The following RFLNA variants were observed in gnomAD, a reference collection of about 807,000 sequenced individuals.
RFLNA encodes refilin-A.
A neutral mutation model predicts 7.8 loss-of-function variants in RFLNA; 5 were observed. That is an observed-to-expected ratio of 0.64 (90% CI 0.34 to 1.35). The LOEUF is 1.35. RFLNA is among the 40% of genes most tolerant of loss of function. The pLI, the probability that RFLNA is intolerant of heterozygous loss-of-function variation, is 0.04. For synonymous variants in RFLNA, 141 were observed against 131.3 expected, an observed-to-expected ratio of 1.07 and a Z score of -0.50; for missense variants, 278 against 305.5, an observed-to-expected ratio of 0.91 and a Z score of 0.67.
chr12:124,308,432 G>GC (rs2034175869), intron 1 of RFLNA, among the ~76,000 whole-genome samples: 1 of 131,952 alleles, frequency 7.6e-6, no homozygotes, highest in Non-Finnish European at 1.8e-5. Flanking sequence ...CATGGGCTTT[G>GC]GGGGGGGACC....
rs1041470816 is a variant in RFLNA at position 124,314,427 on chromosome 12, T to C, written c.553T>C (p.Cys185Arg). The C allele has an allele frequency of 1.7e-5, 27 of 1,604,692 alleles. No individual in the cohort carries two copies. Among genetic ancestry groups the C allele is most frequent in the Non-Finnish European group, 2.2e-5 (26 of 1,179,814 alleles). Residue 185 changes from cysteine (C) to arginine (R), a missense_variant, in exon 3 of 3, where the codon TGC (cysteine) becomes CGC (arginine). Transcript: ENST00000546355. ...ARSTFRTTLH[C>R]SLGRPSRWFT... is the part of the protein sequence containing the mutation. ...GAGCACTTTCCGGACCACCCTGCAC[T>C]GCAGCCTGGGCCGGCCCAGCCGCTG...
intron 1 of RFLNA, among the ~76,000 whole-genome samples, chr12:124,310,505 TGGACTGCAGGGAGGG>T (rs2034224153): frequency 2.5e-3 from 3 of 1,208 alleles, no homozygotes; most frequent in Non-Finnish European, 8.7e-3. Flanking sequence ...GAGGGGGAGG[TGGACTGCAGGGAGGG>T]GGAGGTGGAC....
chr12:124,296,980 T>C (rs1566320885), intron 1 of RFLNA, among the ~76,000 whole-genome samples: 1 of 152,176 alleles, frequency 6.6e-6, no homozygotes, highest in African/African-American at 2.4e-5. Context: ...CAGGAGTTGA[T>C]AGAGGTGACC....
intron 1 of RFLNA, among the ~76,000 whole-genome samples, chr12:124,296,517 C>T (rs898641074): frequency 7.0e-6 from 1 of 142,408 alleles, no homozygotes; most frequent in Non-Finnish European, 1.6e-5. Flanking sequence ...CCCTGCCCAC[C>T]TTAACAGCTT....
intron 1 of RFLNA, among the ~76,000 whole-genome samples, chr12:124,304,470 G>T (rs751519191): frequency 5.3e-4 from 81 of 152,172 alleles, no homozygotes; most frequent in Non-Finnish European, 9.3e-4. Flanking sequence ...CTTGTCTGCT[G>T]CTGGCAGCCA....
chr12:124,304,555 G>A (rs1396511125), intron 1 of RFLNA, among the ~76,000 whole-genome samples: 1 of 152,224 alleles, frequency 6.6e-6, no homozygotes, highest in African/African-American at 2.4e-5. Context: ...GTATCCGGAG[G>A]GTTTGGCAGT....
Position 124,314,214 on chromosome 12 carries a change from G to T in RFLNA, c.340G>T (p.Ala114Ser). Residue 114 changes from alanine to serine, a missense_variant, in exon 3 of 3, where the codon GCC becomes TCC. Transcript: ENST00000546355. ...CAGCTGCAACTCTGAGGTCAAGTAC[G>T]CCTCGGAGAAGCATTTCCAGGACAA... The part of the protein sequence containing the change: ...EIRCNSEVKY[A>S]SEKHFQDKVF... The T allele has an allele frequency of 6.2e-7, 1 of 1,612,492 alleles. No individual in the cohort carries two copies.
chr12:124,311,198 C>T (rs1053760672), intron 1 of RFLNA, among the ~76,000 whole-genome samples: 2 of 152,230 alleles, frequency 1.3e-5, no homozygotes, highest in Non-Finnish European at 2.9e-5. Context: ...CAGTCCTTGT[C>T]CTCAGGGAGA....
In RFLNA at chr12:124,289,635, ATGGGCCC is replaced by A. The variant is rs1172207530; in HGVS notation, c.-37+268_-37+274del. ...GGTTTTATGAGTGGACACCCAGGGC[ATGGGCCC>A]TGACCCCCAGACAGCTGCCCAGCAA... On this transcript the variant is annotated intron_variant, in intron 1 of 2. Coordinates refer to the RFLNA transcript ENST00000324038. This position sits in a 1 kb window ranked among gnomAD's most constrained non-coding sequence, Gnocchi z 5.0. Among the ~76,000 whole-genome samples the A allele has an allele frequency of 1.3e-5, 2 of 152,208 alleles. No individual in the cohort carries two copies. Among genetic ancestry groups the A allele is most frequent in the African/African-American group, 4.8e-5 (2 of 41,460 alleles).
chr12:124,311,444 G>A (rs964743901), intron 1 of RFLNA, among the ~76,000 whole-genome samples: 1 of 152,216 alleles, frequency 6.6e-6, no homozygotes, highest in Non-Finnish European at 1.5e-5. Flanking sequence ...CCTCCAGGCC[G>A]AGTGTGGTTT....
upstream of RFLNA, among the ~76,000 whole-genome samples, chr12:124,291,257 ATTAAT>A (rs572670637): frequency 3.8e-4 from 57 of 151,998 alleles, 1 homozygote; most frequent in Admixed American, 2.7e-3. Flanking sequence ...CTTTTATTTT[ATTAAT>A]TTATTTTTTT....
chr12:124,309,917 C>T (rs2034208285), intron 1 of RFLNA, among the ~76,000 whole-genome samples: 2 of 152,124 alleles, frequency 1.3e-5, no homozygotes, highest in South Asian at 4.1e-4. Context: ...GCCTGCAGTT[C>T]CAGCTCTTTG....
At chr12:124,305,183 C>T (rs112531227) in intron 1 of RFLNA, among the ~76,000 whole-genome samples, 4,179 of 152,278 alleles carry the variant, frequency 0.027, 76 homozygotes, top group African/African-American at 0.048. Flanking sequence ...AGGGTGTGAG[C>T]TATACCTCTG....
At chr12:124,313,795 T>G (rs2034297884) in intron 2 of RFLNA, among the ~76,000 whole-genome samples, 1 of 152,158 alleles carries the variant, frequency 6.6e-6, no homozygotes, top group African/African-American at 2.4e-5. Context: ...GATACTTCAG[T>G]GTGTCTCTTA....
intron 1 of RFLNA, among the ~76,000 whole-genome samples, chr12:124,305,465 G>A (rs963862962): frequency 1.3e-5 from 2 of 152,246 alleles, no homozygotes; most frequent in African/African-American, 4.8e-5. Context: ...AACACAGAGT[G>A]GCTTCAAACG....
chr12:124,315,032 C>G lies in RFLNA; in HGVS notation c.*507C>G. ...CTGCTGGCCTGGGGTATTTCCAAAA[C>G]AGCCTTTTCGCACACATGCAGGTTG... On this transcript the variant is annotated 3_prime_UTR_variant, in exon 3 of 3. Coordinates refer to ENST00000546355, the MANE Select transcript of RFLNA (RefSeq NM_001365156.1). 1 of 253,520 alleles carries G rather than the reference C, an allele frequency of 3.9e-6. No individual in the cohort carries two copies. Among genetic ancestry groups the G allele is most frequent in the Admixed American group, 4.7e-5 (1 of 21,180 alleles). The allele number at this position is 253,520 out of a possible 1,614,324, so 15.7% of individuals were successfully genotyped here.
chr12:124,308,931 T>C (rs538278352), intron 1 of RFLNA, among the ~76,000 whole-genome samples: 3 of 152,354 alleles, frequency 2.0e-5, no homozygotes, highest in South Asian at 2.1e-4. Flanking sequence ...CCCCGGCCAG[T>C]GCGACAGCTG....
In RFLNA at chr12:124,295,615, G is replaced by A. The variant is rs895363429; in HGVS notation, c.186G>A (p.Pro62=). 65 of 1,062,904 alleles carry A rather than the reference G, an allele frequency of 6.1e-5. No homozygotes were observed. The African/African-American group carries it at 9.6e-4, about 16-fold the overall frequency. The allele number at this position is 1,062,904 out of a possible 1,614,324, so 65.8% of individuals were successfully genotyped here. A position where few individuals can be genotyped will look rare whatever the true frequency, so the allele number is the denominator to read the frequency against. The change falls in exon 1 of 3, where the codon CCG becomes CCA. Residue 62 remains proline (P), a synonymous_variant. Coordinates refer to ENST00000546355, the MANE Select transcript of RFLNA (RefSeq NM_001365156.1). ...GCGCCGGCGCCTCCTCGGAGCCCCC[G>A]GGACCCAGCGAGGCCAGAGCGGTAA... ...AGGAGASSEP[P]GPSEARAPPS... is the part of the protein sequence containing the mutation.
rs2034321920 is a variant in RFLNA at position 124,314,792 on chromosome 12, C to G, written c.*267C>G. On this transcript the variant is annotated 3_prime_UTR_variant, in exon 3 of 3. Transcript: ENST00000546355. ...GCTGGCAAGGCGGTAGGGGCATGCA[C>G]TGTTAGGTGGTGGCCACCCCCAGGG... The G allele has an allele frequency of 1.5e-6, 1 of 681,010 alleles. No homozygotes were observed. The highest frequency in any genetic ancestry group is 2.1e-5 in the Admixed American group (1 of 48,602). The allele number at this position is 681,010 out of a possible 1,614,324, so 42.2% of individuals were successfully genotyped here. A position where few individuals can be genotyped will look rare whatever the true frequency, so the allele number is the denominator to read the frequency against.
Sources: gnomAD v4.1 joint callset for allele counts (sites outside exome capture counted in the v4.1 genomes callset) on GRCh38, gnomAD v4.1.1 for gene constraint, Gnocchi (gnomAD v3.1) non-coding constraint, MANE v1.5 for transcripts, NCBI Gene and HGNC (gene_info 2026-07-23, HGNC 2026-07-21) for gene names.